The following OOSP3 variants were observed in gnomAD, a reference collection of about 807,000 sequenced individuals.
OOSP3 encodes the protein oocyte secreted protein family member 3.
chr11:59,894,071 C>T lies in OOSP3; in HGVS notation c.253-8C>T, dbSNP rs1853335320. On this transcript the variant is annotated splice_region_variant and splice_polypyrimidine_tract_variant and intron_variant, in intron 2 of 4. Coordinates refer to ENST00000646438, the Ensembl canonical transcript of OOSP3. ...ACATCAACTTATAAAGTCTTTTTGT[C>T]CCATTAGGTTTTCTCATATGTAACA... The T allele has an allele frequency of 2.5e-6, 1 of 398,396 alleles. No individual in the cohort carries two copies. Among genetic ancestry groups the T allele is most frequent in the Non-Finnish European group, 4.4e-6 (1 of 225,982 alleles). 24.7% of individuals were successfully genotyped at this position (398,396 alleles called of 1,614,324 possible).
chr11:59,893,450 C>T (rs1047651310), intron 2 of OOSP3, among the ~76,000 whole-genome samples: 10 of 152,136 alleles, frequency 6.6e-5, no homozygotes, highest in African/African-American at 2.4e-4. Flanking sequence ...ACTGCAACCT[C>T]CACCTCCTGG....
chr11:59,882,762 T>TG (rs1853216417), intron 2 of OOSP3, among the ~76,000 whole-genome samples: 1 of 152,186 alleles, frequency 6.6e-6, no homozygotes, highest in African/African-American at 2.4e-5. Context: ...TTCTCAAAAA[T>TG]GCACCCATAC....
intron 2 of OOSP3, among the ~76,000 whole-genome samples, chr11:59,880,905 T>G (rs184587836): frequency 2.0e-4 from 31 of 152,318 alleles, no homozygotes; most frequent in Non-Finnish European, 4.3e-4. Context: ...TAGAATTCAC[T>G]AGGGGAAGTC....
intron 2 of OOSP3, among the ~76,000 whole-genome samples, chr11:59,884,737 C>G (rs945922638): frequency 6.6e-6 from 1 of 152,134 alleles, no homozygotes; most frequent in Non-Finnish European, 1.5e-5. Context: ...CTCCTGACCT[C>G]AAGTGATCTG....
chr11:59,883,251 T>A (rs1480274183), intron 2 of OOSP3, among the ~76,000 whole-genome samples: 2 of 152,232 alleles, frequency 1.3e-5, no homozygotes, highest in African/African-American at 4.8e-5. Flanking sequence ...TTTATTCTAT[T>A]GTTTGGTTTC....
chr11:59,894,335 G>A (rs115809193), intron 3 of OOSP3, among the ~76,000 whole-genome samples, 159 bp downstream of exon 3: 1 of 152,238 alleles, frequency 6.6e-6, no homozygotes, highest in African/African-American at 2.4e-5. Context: ...ATGCCATTTG[G>A]CCATTACAGA....
intron 2 of OOSP3, among the ~76,000 whole-genome samples, chr11:59,884,631 G>A (rs1308284516): frequency 1.3e-5 from 2 of 151,932 alleles, no homozygotes; most frequent in East Asian, 3.9e-4. Flanking sequence ...CTCCCAAGTA[G>A]CTGGGACTAC....
chr11:59,895,700 T>A, intron 4 of OOSP3, 48 bp downstream of exon 4: 1 of 398,196 alleles, frequency 2.5e-6, no homozygotes, highest in East Asian at 3.6e-5. Context: ...CATGTAGAAA[T>A]GATCGTATTG....
chr11:59,883,312 A>G (rs143982118), intron 2 of OOSP3, among the ~76,000 whole-genome samples: 4,374 of 152,280 alleles, frequency 0.029, 97 homozygotes, highest in Non-Finnish European at 0.043. Flanking sequence ...CAGGATCAAA[A>G]CAAAACACTG....
chr11:59,882,465 A>G (rs905473914), intron 2 of OOSP3, among the ~76,000 whole-genome samples: 5 of 152,180 alleles, frequency 3.3e-5, no homozygotes, highest in African/African-American at 7.2e-5. Context: ...TTAATACCTT[A>G]TCAAATCAGA....
At chr11:59,890,486 C>A (rs771840591) in intron 2 of OOSP3, among the ~76,000 whole-genome samples, 4 of 152,062 alleles carry the variant, frequency 2.6e-5, no homozygotes, top group Non-Finnish European at 5.9e-5. Flanking sequence ...TGATGAGATC[C>A]TTTAGCATTT....
intron 2 of OOSP3, 124 bp downstream of exon 2, chr11:59,880,563 A>G (rs1188383933): frequency 2.5e-6 from 1 of 395,802 alleles, no homozygotes; most frequent in Non-Finnish European, 4.4e-6. Context: ...TGGTACTTTC[A>G]GGATAGGAAG....
chr11:59,895,794 T>C lies in OOSP3; in HGVS notation c.501+142T>C, dbSNP rs1853350947. 7.6e-6 allele frequency: 3 copies of C among 396,714 alleles called. No individual in the cohort carries two copies. The East Asian group carries it at 1.1e-4, about 14-fold the overall frequency. The allele number at this position is 396,714 out of a possible 1,614,324, so 24.6% of individuals were successfully genotyped here. On this transcript the variant is annotated intron_variant, in intron 4 of 4. Transcript: ENST00000646438. ...GTTTAACTACATGATGGGTCTCACA[T>C]TACATTTCAATCCTGTTTAGAAAAA...
intron 2 of OOSP3, among the ~76,000 whole-genome samples, chr11:59,885,473 C>A (rs972401669): frequency 1.3e-5 from 2 of 151,938 alleles, no homozygotes; most frequent in African/African-American, 4.8e-5. Context: ...TATTCTCCCT[C>A]CCCATCCCCC....
intron 3 of OOSP3, 122 bp from the exon 4 acceptor site, chr11:59,895,380 G>A (rs1590876115): frequency 1.3e-5 from 5 of 372,506 alleles, no homozygotes; most frequent in Non-Finnish European, 2.4e-5. Context: ...AGCAGTGTTA[G>A]TAAGTCTACT....
At chr11:59,884,449 T>C (rs139590743) in intron 2 of OOSP3, among the ~76,000 whole-genome samples, 138 of 139,760 alleles carry the variant, frequency 9.9e-4, no homozygotes, top group Admixed American at 1.6e-3. Flanking sequence ...TCATGTCTGT[T>C]TGTCTGTCTG....
Position 59,883,795 on chromosome 11 carries a change from G to T in OOSP3, c.252+3356G>T, listed in dbSNP as rs146261848. 7.9e-3 allele frequency among the ~76,000 whole-genome samples: 1,201 copies of T among 152,218 alleles called. 18 individuals carry two copies. The highest frequency in any genetic ancestry group is 0.027 in the African/African-American group (1,130 of 41,512). ...CTATTATCCCCATTGTACAGAAGAG[G>T]ATAATGAAGTTCAAAAAGATTAAGT... On this transcript the variant is annotated intron_variant, in intron 2 of 4. Transcript: ENST00000646438.
rs1451783228 is a variant in OOSP3, at chr11:59,894,072, C to T, written c.253-7C>T. ...CATCAACTTATAAAGTCTTTTTGTC[C>T]CATTAGGTTTTCTCATATGTAACAG... On this transcript the variant is annotated splice_region_variant and splice_polypyrimidine_tract_variant and intron_variant, in intron 2 of 4. Transcript: ENST00000646438. The T allele has an allele frequency of 1.0e-5, 4 of 398,294 alleles. No individual in the cohort carries two copies. The highest frequency in any genetic ancestry group is 1.3e-4 in the South Asian group (1 of 7,836). 24.7% of individuals were successfully genotyped at this position (398,294 alleles called of 1,614,324 possible). A position where few individuals can be genotyped will look rare whatever the true frequency, so the allele number is the denominator to read the frequency against.
intron 2 of OOSP3, among the ~76,000 whole-genome samples, chr11:59,881,565 G>T (rs1412498416): frequency 6.6e-6 from 1 of 152,170 alleles, no homozygotes; most frequent in Non-Finnish European, 1.5e-5. Context: ...TTAACCTTTG[G>T]TGGAGGAAGA....
Sources: gnomAD v4.1 joint callset for allele counts (sites outside exome capture counted in the v4.1 genomes callset) on GRCh38, gnomAD v4.1.1 for gene constraint, MANE v1.5 for transcripts, NCBI Gene and HGNC (gene_info 2026-07-23, HGNC 2026-07-21) for gene names.